The following OSBPL11 variants were observed in gnomAD, a reference collection of about 807,000 sequenced individuals.
OSBPL11 encodes the protein oxysterol binding protein like 11.
A neutral mutation model predicts 84.4 loss-of-function variants in OSBPL11; 33 were observed. The ratio of observed to expected loss-of-function variants is 0.39; its 90% CI spans 0.30 to 0.52. OSBPL11 has a LOEUF of 0.52. OSBPL11 is among the 20% of genes least tolerant of loss of function. OSBPL11 has a pLI of 0.72. For missense variants in OSBPL11, 736 were observed against 901.1 expected (o/e 0.82, Z 2.35); for synonymous variants, 276 against 310.2 (o/e 0.89, Z 1.16).
intron 8 of OSBPL11, 125 bp from the exon 9 acceptor site, chr3:125,552,804 G>A: frequency 8.6e-7 from 1 of 1,162,516 alleles, no homozygotes; most frequent in Non-Finnish European, 1.2e-6. Flanking sequence ...CAAAGAAAAA[G>A]TATTCAGTCA....
intron 9 of OSBPL11, 103 bp downstream of exon 9, chr3:125,552,078 A>AG (rs1236279805): frequency 7.6e-6 from 5 of 661,214 alleles, no homozygotes; most frequent in Non-Finnish European, 1.0e-5. Context: ...CCTGTTCTAA[A>AG]GCCTTTTAAA....
At chr3:125,591,835 C>G (rs1446444066) in intron 1 of OSBPL11, among the ~76,000 whole-genome samples, 1 of 152,026 alleles carries the variant, frequency 6.6e-6, no homozygotes, top group Non-Finnish European at 1.5e-5. Flanking sequence ...GATCCTGCCT[C>G]TAGAAAAAAA....
chr3:125,573,480 A>C (rs1936272515), intron 5 of OSBPL11, among the ~76,000 whole-genome samples: 1 of 152,248 alleles, frequency 6.6e-6, no homozygotes, highest in Non-Finnish European at 1.5e-5. Flanking sequence ...CTAATAAGAA[A>C]GAGTAAATAG....
intron 5 of OSBPL11, among the ~76,000 whole-genome samples, chr3:125,572,903 T>C (rs1232904064): frequency 7.0e-6 from 1 of 142,306 alleles, no homozygotes; most frequent in Admixed American, 7.1e-5. Flanking sequence ...ATGTACATAT[T>C]ATAAAGTGTG....
At chr3:125,534,224 T>C (rs1221901922) in intron 11 of OSBPL11, among the ~76,000 whole-genome samples, 1 of 151,702 alleles carries the variant, frequency 6.6e-6, no homozygotes, top group Non-Finnish European at 1.5e-5. Context: ...CTACTAAAAA[T>C]ATAAAAAAAT....
chr3:125,569,302 G>T (rs1267494226), intron 5 of OSBPL11, among the ~76,000 whole-genome samples: 1 of 152,008 alleles, frequency 6.6e-6, no homozygotes, highest in African/African-American at 2.4e-5. Context: ...TGTACAAAAT[G>T]ATCCTACTAA....
intron 11 of OSBPL11, among the ~76,000 whole-genome samples, chr3:125,538,187 G>T (rs1366459034): frequency 6.6e-6 from 1 of 152,084 alleles, no homozygotes; most frequent in Non-Finnish European, 1.5e-5. Flanking sequence ...AAGTTTTTAT[G>T]ATACACACAG....
At chr3:125,563,977 C>G in intron 6 of OSBPL11, 134 bp from the exon 7 acceptor site, 3 of 891,574 alleles carry the variant, frequency 3.4e-6, no homozygotes, top group Non-Finnish European at 5.0e-6. Flanking sequence ...CCCTGCAAGA[C>G]AGCCACTTAT....
chr3:125,581,014 T>C (rs1936415229), intron 2 of OSBPL11, among the ~76,000 whole-genome samples: 1 of 151,808 alleles, frequency 6.6e-6, no homozygotes, highest in African/African-American at 2.4e-5. Context: ...TAATACACTT[T>C]GGAAAAAAAA....
chr3:125,551,393 T>TTA (rs1024844217), intron 9 of OSBPL11, among the ~76,000 whole-genome samples: 2 of 151,428 alleles, frequency 1.3e-5, no homozygotes, highest in African/African-American at 4.8e-5. Flanking sequence ...AATATTAAAT[T>TTA]TATATATATA....
intron 5 of OSBPL11, among the ~76,000 whole-genome samples, chr3:125,574,316 A>T (rs1390484475): frequency 6.6e-6 from 1 of 152,104 alleles, no homozygotes; most frequent in Non-Finnish European, 1.5e-5. Context: ...CTTGTAAAGC[A>T]GTAAAAATCA....
intron 1 of OSBPL11, among the ~76,000 whole-genome samples, chr3:125,589,342 C>CAAAAAAAAAAAAAAAAAAAAAAAAAAA (rs35267505): frequency 1.6e-5 from 1 of 62,028 alleles, no homozygotes; most frequent in African/African-American, 5.3e-5. Context: ...AACTCCATCT[C>CAAAAAAAAAAAAAAAAAAAAAAAAAAA]AAAAAAAAAA....
intron 3 of OSBPL11, among the ~76,000 whole-genome samples, chr3:125,579,477 T>A (rs1456140174): frequency 1.3e-5 from 2 of 152,250 alleles, no homozygotes; most frequent in East Asian, 3.8e-4. Context: ...GTTATTTTAA[T>A]GAATGACATT....
At chr3:125,583,452 G>A (rs1490690651) in intron 1 of OSBPL11, among the ~76,000 whole-genome samples, 1 of 151,508 alleles carries the variant, frequency 6.6e-6, no homozygotes, top group Non-Finnish European at 1.5e-5. Flanking sequence ...GTGGTGGTGT[G>A]TGCCTGTAGT....
chr3:125,545,573 C>G (rs1935799848), intron 10 of OSBPL11, among the ~76,000 whole-genome samples: 1 of 151,926 alleles, frequency 6.6e-6, no homozygotes, highest in Admixed American at 6.6e-5. Context: ...ATTTTTATTT[C>G]TCTGTATCTC....
chr3:125,554,694 T>C (rs1935964130), intron 8 of OSBPL11, among the ~76,000 whole-genome samples: 1 of 151,844 alleles, frequency 6.6e-6, no homozygotes, highest in Non-Finnish European at 1.5e-5. Context: ...ATTATATACA[T>C]ACAAGAATGC....
intron 1 of OSBPL11, among the ~76,000 whole-genome samples, chr3:125,594,263 C>T (rs746521225): frequency 6.6e-6 from 1 of 152,222 alleles, no homozygotes; most frequent in Non-Finnish European, 1.5e-5. Flanking sequence ...GCTACCCTCT[C>T]GAGAAAGCTG....
chr3:125,550,918 T>C (rs1935896748), intron 9 of OSBPL11, among the ~76,000 whole-genome samples: 2 of 152,070 alleles, frequency 1.3e-5, no homozygotes, highest in African/African-American at 4.8e-5. Context: ...GGCTAATGCC[T>C]GGAGGTGGAG....
intron 1 of OSBPL11, among the ~76,000 whole-genome samples, chr3:125,588,848 C>T (rs1434442278): frequency 6.6e-6 from 1 of 152,162 alleles, no homozygotes; most frequent in Non-Finnish European, 1.5e-5. Context: ...TTCTCAGTAA[C>T]CTGCCCACCT....
Sources: allele counts gnomAD v4.1 joint callset (sites outside exome capture counted in the v4.1 genomes callset), GRCh38; gene constraint gnomAD v4.1.1; transcripts MANE v1.5; gene names NCBI Gene and HGNC (gene_info 2026-07-23, HGNC 2026-07-21).